IL1RAPL2: variants seen among roughly 807,000 people sequenced by gnomAD.
The protein encoded by IL1RAPL2 is X-linked interleukin-1 receptor accessory protein-like 2.
A neutral mutation model predicts 44.1 loss-of-function variants in IL1RAPL2; 3 were observed. The ratio of observed to expected loss-of-function variants is 0.07; its 90% CI spans 0.03 to 0.18. The LOEUF is 0.18. Among genes scored for constraint, IL1RAPL2 ranks in the 10% least tolerant of loss-of-function variants. The pLI is 1.00. For missense variants in IL1RAPL2, 391 were observed against 496.4 expected, an observed-to-expected ratio of 0.79 and a Z score of 2.02; for synonymous variants, 181 against 178.8, an observed-to-expected ratio of 1.01 and a Z score of -0.10.
At chrX:105,446,524 A>T (rs5962524) in intron 5 of IL1RAPL2, among the ~76,000 whole-genome samples, 24,764 of 109,981 alleles carry the variant, frequency 0.23, 6,833 homozygotes, top group African/African-American at 0.78. Flanking sequence ...TGCTGGTATA[A>T]TTTAATTTCT....
intron 2 of IL1RAPL2, among the ~76,000 whole-genome samples, chrX:104,950,846 T>C (rs1282504921): frequency 9.0e-6 from 1 of 111,290 alleles, no homozygotes; most frequent in Admixed American, 9.5e-5. Context: ...TAGCTGGGAC[T>C]ACAGGCGCCC....
Position 105,430,005 on chromosome X carries a change from G to A in IL1RAPL2, c.698-54308G>A, listed in dbSNP as rs757388148. Among the ~76,000 whole-genome samples, 15 of 111,244 alleles carry A rather than the reference G, an allele frequency of 1.3e-4. No individual in the cohort carries two copies. The South Asian group carries it at 4.6e-3, about 34-fold the overall frequency. On this transcript the variant is annotated intron_variant, in intron 5 of 10. Transcript: ENST00000372582. ...GCTATTGTAAATACCAAATAAAATA[G>A]AGAACAAAATTTTTTGAGCTGTCTA...
At chrX:104,940,593 C>T (rs1429436030) in intron 2 of IL1RAPL2, among the ~76,000 whole-genome samples, 2 of 110,866 alleles carry the variant, frequency 1.8e-5, no homozygotes, top group East Asian at 2.8e-4. Context: ...TTGTGGCTCT[C>T]GTCTCACTGG....
chrX:105,065,815 GGA>G (rs2032131039), intron 2 of IL1RAPL2, among the ~76,000 whole-genome samples: 1 of 111,905 alleles, frequency 8.9e-6, no homozygotes, highest in South Asian at 3.7e-4. Flanking sequence ...ACTTTAGGCA[GGA>G]GTTACATTAA....
intron 2 of IL1RAPL2, among the ~76,000 whole-genome samples, chrX:105,064,452 G>T (rs2032112612): frequency 8.9e-6 from 1 of 111,854 alleles, no homozygotes; most frequent in Non-Finnish European, 1.9e-5. Flanking sequence ...TTTTGTGTGT[G>T]TTGATGGTTG....
At chrX:105,724,682 G>A (rs1231318620) in intron 7 of IL1RAPL2, among the ~76,000 whole-genome samples, 1 of 112,175 alleles carries the variant, frequency 8.9e-6, no homozygotes, top group Non-Finnish European at 1.9e-5. Flanking sequence ...AACATAAGAT[G>A]TAATTGTACA....
intron 2 of IL1RAPL2, among the ~76,000 whole-genome samples, chrX:105,112,324 T>G (rs1432436571): frequency 3.6e-5 from 4 of 112,165 alleles, no homozygotes; most frequent in African/African-American, 1.3e-4. Flanking sequence ...AAGAGAAGAA[T>G]GTTGATTGAC....
chrX:105,398,739 G>T (rs1281107603), intron 5 of IL1RAPL2, among the ~76,000 whole-genome samples: 1 of 111,067 alleles, frequency 9.0e-6, no homozygotes, highest in African/African-American at 3.3e-5. Flanking sequence ...TTAAATATAA[G>T]AAAAAAATGC....
At chrX:105,319,193 A>T (rs1001229927) in intron 5 of IL1RAPL2, among the ~76,000 whole-genome samples, 4 of 111,857 alleles carry the variant, frequency 3.6e-5, no homozygotes, top group African/African-American at 1.3e-4. Context: ...CCTGAAAAAT[A>T]TTCCAGGTTG....
intron 6 of IL1RAPL2, among the ~76,000 whole-genome samples, chrX:105,608,440 G>A (rs1450657783): frequency 8.9e-6 from 1 of 111,882 alleles, no homozygotes; most frequent in Non-Finnish European, 1.9e-5. Flanking sequence ...GAGTAAGTGG[G>A]CAAGCAAAGC....
chrX:104,664,864 A>G (rs1241436101), intron 2 of IL1RAPL2, among the ~76,000 whole-genome samples: 1 of 111,328 alleles, frequency 9.0e-6, no homozygotes, highest in Non-Finnish European at 1.9e-5. Flanking sequence ...CAACATCAAT[A>G]TATTTACTTG....
At chrX:104,583,996 C>T (rs763675900) in intron 1 of IL1RAPL2, among the ~76,000 whole-genome samples, 3 of 111,290 alleles carry the variant, frequency 2.7e-5, no homozygotes, top group East Asian at 2.8e-4. Flanking sequence ...CTGGAATGAA[C>T]GTGGAGTCCC....
intron 5 of IL1RAPL2, among the ~76,000 whole-genome samples, chrX:105,454,737 G>A (rs1280636818): frequency 9.0e-6 from 1 of 111,489 alleles, no homozygotes; most frequent in Non-Finnish European, 1.9e-5. Context: ...CCAGAGGCCA[G>A]GGGCTGACCC....
At chrX:105,580,013 A>G (rs1349049733) in intron 6 of IL1RAPL2, among the ~76,000 whole-genome samples, 1 of 111,853 alleles carries the variant, frequency 8.9e-6, no homozygotes, top group East Asian at 2.8e-4. Context: ...TCTCTGAAAC[A>G]CTGTAGCACA....
At chrX:104,923,652 G>A (rs191706891) in intron 2 of IL1RAPL2, among the ~76,000 whole-genome samples, 4 of 111,531 alleles carry the variant, frequency 3.6e-5, no homozygotes, top group East Asian at 5.7e-4. Context: ...ATGCTCAAAG[G>A]TGTGATAAAC....
chrX:105,231,660 TAAAC>T (rs782698396), intron 3 of IL1RAPL2, among the ~76,000 whole-genome samples: 5 of 112,028 alleles, frequency 4.5e-5, no homozygotes, highest in Non-Finnish European at 9.4e-5. Flanking sequence ...CTTTAACAAA[TAAAC>T]AAATATTAGA....
At chrX:105,657,801 G>A (rs1326681777) in intron 6 of IL1RAPL2, among the ~76,000 whole-genome samples, 1 of 110,611 alleles carries the variant, frequency 9.0e-6, no homozygotes, top group Admixed American at 9.7e-5. Flanking sequence ...TTTTAGTAGA[G>A]ATGGGGTTTC....
intron 7 of IL1RAPL2, among the ~76,000 whole-genome samples, chrX:105,737,790 CAGGG>C (rs2147573129): frequency 9.0e-6 from 1 of 111,296 alleles, no homozygotes; most frequent in East Asian, 2.8e-4. Context: ...TTACCAACAT[CAGGG>C]AGAAAAACAG....
chrX:104,925,226 A>T (rs2147694068), intron 2 of IL1RAPL2, among the ~76,000 whole-genome samples: 1 of 108,829 alleles, frequency 9.2e-6, no homozygotes, highest in Non-Finnish European at 1.9e-5. Flanking sequence ...CCAAAAAAAA[A>T]AAAAAAAAGC....
Sources: allele counts gnomAD v4.1 joint callset (sites outside exome capture counted in the v4.1 genomes callset), GRCh38; gene constraint gnomAD v4.1.1; transcripts MANE v1.5; gene names NCBI Gene and HGNC (gene_info 2026-07-23, HGNC 2026-07-21).